Variants in SNTG1 observed in about 807,000 individuals in gnomAD.
SNTG1 encodes the protein gamma-1-syntrophin.
A neutral mutation model predicts 74.7 loss-of-function variants in SNTG1; 39 were observed. The observed-to-expected ratio is 0.52, with a 90% CI of 0.40 to 0.68. The LOEUF (loss-of-function observed/expected upper bound fraction) is 0.68. SNTG1 is among the 30% of genes least tolerant of loss of function. The probability of loss-of-function intolerance (pLI) is 0.00; values close to 1 mark genes in which losing one functional copy is unlikely to be tolerated. For missense variants in SNTG1, 685 were observed against 609.5 expected, an observed-to-expected ratio of 1.12 and a Z score of -1.30; for synonymous variants, 254 against 217.1, an observed-to-expected ratio of 1.17 and a Z score of -1.49.
At chr8:50,478,852 T>C (rs1326470540) in intron 8 of SNTG1, among the ~76,000 whole-genome samples, 2 of 152,158 alleles carry the variant, frequency 1.3e-5, no homozygotes, top group African/African-American at 4.8e-5. Flanking sequence ...ATAAAATATT[T>C]CTCTTATAGG....
At chr8:50,198,268 G>A (rs2083854513) in intron 2 of SNTG1, among the ~76,000 whole-genome samples, 3 of 152,216 alleles carry the variant, frequency 2.0e-5, no homozygotes, top group African/African-American at 7.2e-5. Flanking sequence ...CGCCGGCTCT[G>A]AAGGTGGCAG....
rs764387185 is a variant in SNTG1 at position 50,701,640 on chromosome 8, TTCC to T, written c.1039-2954_1039-2952del. Among the ~76,000 whole-genome samples, 38 of 149,136 alleles carry T rather than the reference TTCC, an allele frequency of 2.5e-4. 1 individual carries two copies. The highest frequency in any genetic ancestry group is 6.6e-4 in the African/African-American group (26 of 39,598). ...CTTCGTGTTCCTCTTCCTCTTCTTCTTCCTCCTCTTTTTCTTCCTCTTCTTCTT... is the reference window on the plus strand; with the variant it reads ...CTTCGTGTTCCTCTTCCTCTTCTTCTTCCTCTTTTTCTTCCTCTTCTTCTT... On this transcript the variant is annotated intron_variant, in intron 15 of 18. Coordinates refer to ENST00000642720, the MANE Select transcript of SNTG1 (RefSeq NM_018967.5).
chr8:50,449,603 T>G, intron 5 of SNTG1, 65 bp from the exon 6 acceptor site: 1 of 1,314,534 alleles, frequency 7.6e-7, no homozygotes, highest in Non-Finnish European at 1.0e-6. Context: ...GCCTGTATGG[T>G]TTCTTAGCTA....
intron 15 of SNTG1, among the ~76,000 whole-genome samples, chr8:50,677,442 G>T (rs2095313606): frequency 6.6e-6 from 1 of 151,828 alleles, no homozygotes; most frequent in Non-Finnish European, 1.5e-5. Context: ...TAGAAAATGG[G>T]TTTTGTTGCA....
At chr8:50,552,514 T>C (rs2094433031) in intron 11 of SNTG1, among the ~76,000 whole-genome samples, 1 of 152,200 alleles carries the variant, frequency 6.6e-6, no homozygotes, top group Non-Finnish European at 1.5e-5. Flanking sequence ...AACCTCTTGT[T>C]CCAAATCATC....
At chr8:50,214,072 G>T (rs1586717562) in intron 2 of SNTG1, among the ~76,000 whole-genome samples, 1 of 151,720 alleles carries the variant, frequency 6.6e-6, no homozygotes, top group Admixed American at 6.6e-5. Flanking sequence ...GGTCTAATTT[G>T]CAGCCATAAA....
At chr8:50,756,771 A>G (rs1271695158) in intron 18 of SNTG1, among the ~76,000 whole-genome samples, 3 of 151,634 alleles carry the variant, frequency 2.0e-5, no homozygotes, top group African/African-American at 7.3e-5. Context: ...CTCTCTCTAT[A>G]TATTTTAGAA....
intron 8 of SNTG1, among the ~76,000 whole-genome samples, chr8:50,470,477 T>C (rs1487707414): frequency 6.6e-6 from 1 of 152,176 alleles, no homozygotes; most frequent in Non-Finnish European, 1.5e-5. Context: ...GGTGGGTTCA[T>C]GGTCTTCCCG....
intron 1 of SNTG1, among the ~76,000 whole-genome samples, chr8:49,993,247 AG>A (rs1333888158): frequency 1.3e-5 from 2 of 151,976 alleles, no homozygotes; most frequent in Admixed American, 6.6e-5. Flanking sequence ...CCAAAGCGGG[AG>A]GGGGGCACTT....
At chr8:50,043,161 G>A (rs1189400246) in intron 1 of SNTG1, among the ~76,000 whole-genome samples, 7 of 151,998 alleles carry the variant, frequency 4.6e-5, no homozygotes, top group African/African-American at 1.2e-4. Flanking sequence ...TAATCATTTA[G>A]GGAGAACATG....
chr8:50,525,979 C>T (rs1445805219), intron 9 of SNTG1, among the ~76,000 whole-genome samples: 3 of 152,018 alleles, frequency 2.0e-5, no homozygotes, highest in Non-Finnish European at 4.4e-5. Flanking sequence ...TGATTACACA[C>T]CGGAAAAGAA....
chr8:50,434,311 C>T (rs574097336), intron 4 of SNTG1, among the ~76,000 whole-genome samples: 1 of 152,224 alleles, frequency 6.6e-6, no homozygotes, highest in South Asian at 2.1e-4. Context: ...TGGGTTAGTT[C>T]CAAGTCTTTG....
At chr8:50,633,999 T>TTCG (rs1311462108) in intron 13 of SNTG1, among the ~76,000 whole-genome samples, 2 of 152,208 alleles carry the variant, frequency 1.3e-5, no homozygotes, top group Non-Finnish European at 2.9e-5. Context: ...GCTGCATATA[T>TTCG]TCACAAAGTT....
Position 50,004,444 on chromosome 8 carries a change from C to T in SNTG1, c.-103+92213C>T, listed in dbSNP as rs535335098. Among the ~76,000 whole-genome samples, 21 of 152,202 alleles carry T rather than the reference C, an allele frequency of 1.4e-4. No homozygotes were observed. The East Asian group carries it at 3.3e-3, about 24-fold the overall frequency. ...CTAGTTGCTGGGAATTAAATATTTTCCAGAATCTAGAGGATCCTCACTTAC... is the reference window on the plus strand; with the variant it reads ...CTAGTTGCTGGGAATTAAATATTTTTCAGAATCTAGAGGATCCTCACTTAC... On this transcript the variant is annotated intron_variant, in intron 1 of 18. Transcript: ENST00000642720.
intron 2 of SNTG1, among the ~76,000 whole-genome samples, chr8:50,179,536 A>T (rs1014242559): frequency 3.9e-5 from 6 of 152,210 alleles, no homozygotes; most frequent in Non-Finnish European, 7.4e-5. Context: ...CAAGCTATAC[A>T]TCTGATAAGA....
intron 5 of SNTG1, among the ~76,000 whole-genome samples, chr8:50,443,909 G>A (rs891085646): frequency 2.6e-4 from 40 of 151,982 alleles, no homozygotes; most frequent in African/African-American, 8.5e-4. Context: ...CAAGGCAGGC[G>A]GATCATTTGA....
chr8:50,037,050 G>A (rs897821914), intron 1 of SNTG1, among the ~76,000 whole-genome samples: 4 of 152,152 alleles, frequency 2.6e-5, no homozygotes, highest in Non-Finnish European at 4.4e-5. Flanking sequence ...AACTTTCCAA[G>A]CTCTTGCTTT....
chr8:50,393,526 T>A (rs2092689552), intron 2 of SNTG1, among the ~76,000 whole-genome samples: 1 of 152,174 alleles, frequency 6.6e-6, no homozygotes, highest in South Asian at 2.1e-4. Flanking sequence ...ATATCTTAGT[T>A]TGGTTAGGTG....
At chr8:49,948,313 C>T (rs1809392399) in intron 1 of SNTG1, among the ~76,000 whole-genome samples, 1 of 151,986 alleles carries the variant, frequency 6.6e-6, no homozygotes, top group Non-Finnish European at 1.5e-5. Context: ...TTATGTATAT[C>T]ATCTTATTAT....
Sources: allele counts gnomAD v4.1 joint callset (sites outside exome capture counted in the v4.1 genomes callset), GRCh38; gene constraint gnomAD v4.1.1; transcripts MANE v1.5; gene names NCBI Gene and HGNC (gene_info 2026-07-23, HGNC 2026-07-21).